The following JMJD6 variants were observed in gnomAD, a reference collection of about 807,000 sequenced individuals.
JMJD6 encodes the protein jumonji domain containing 6, arginine demethylase and lysine hydroxylase, also known as bifunctional arginine demethylase and lysyl-hydroxylase JMJD6.
JMJD6 carries 17 observed loss-of-function variants against 45.8 expected under a neutral mutation model. The observed-to-expected ratio is 0.37, with a 90% CI of 0.25 to 0.56. JMJD6 has a LOEUF of 0.56. Ranked by LOEUF, JMJD6 falls within the 20% of genes least tolerant of loss-of-function variation. The pLI is 0.79. For missense variants in JMJD6, 470 were observed against 517.5 expected (o/e 0.91, Z 0.89); for synonymous variants, 221 against 196.3 (o/e 1.13, Z -1.05).
At chr17:76,722,892 AAC>A (rs1361799540) in intron 3 of JMJD6, among the ~76,000 whole-genome samples, 1 of 64,786 alleles carries the variant, frequency 1.5e-5, no homozygotes, top group Non-Finnish European at 3.4e-5. Flanking sequence ...AATTTACAGA[AAC>A]ACAAACAAGC....
Position 76,726,489 on chromosome 17 carries a change from C to T in JMJD6, c.-14G>A, listed in dbSNP as rs755041881. The T allele has an allele frequency of 2.5e-6, 4 of 1,585,464 alleles. No homozygotes were observed. The South Asian group carries it at 3.4e-5, about 13-fold the overall frequency. Reference sequence around the variant, plus strand: ...CTTGTGGTTCATTCTGCGGGGTCGCCAGCTGGTTCCGCTACGACCTCGGCG... The same window carrying T: ...CTTGTGGTTCATTCTGCGGGGTCGCTAGCTGGTTCCGCTACGACCTCGGCG... On this transcript the variant is annotated 5_prime_UTR_variant, in exon 1 of 6. Coordinates refer to ENST00000397625, the MANE Select transcript of JMJD6 (RefSeq NM_015167.3).
Position 76,718,661 on chromosome 17 carries a change from G to C in JMJD6, c.*68C>G. The C allele has an allele frequency of 6.4e-7, 1 of 1,574,654 alleles. No individual in the cohort carries two copies. Among genetic ancestry groups the C allele is most frequent in the East Asian group, 2.3e-5 (1 of 44,184 alleles). Reference sequence around the variant, plus strand: ...CTCCCCTTGTCTGCAGGACTGGACAGGCCACCCTCCCCAGGCCCTGCCCTT... The same window carrying C: ...CTCCCCTTGTCTGCAGGACTGGACACGCCACCCTCCCCAGGCCCTGCCCTT... On this transcript the variant is annotated 3_prime_UTR_variant, in exon 6 of 6. Transcript: ENST00000397625.
At chr17:76,726,016 G>C (rs2076920089) in intron 1 of JMJD6, among the ~76,000 whole-genome samples, 161 bp from the exon 2 acceptor site, 1 of 152,216 alleles carries the variant, frequency 6.6e-6, no homozygotes, top group Non-Finnish European at 1.5e-5. Flanking sequence ...AGGCCACGTC[G>C]TTCCTAGAGC....
intron 4 of JMJD6, among the ~76,000 whole-genome samples, chr17:76,720,848 T>C (rs1264509416): frequency 6.6e-6 from 1 of 152,232 alleles, no homozygotes; most frequent in Non-Finnish European, 1.5e-5. Context: ...TTTTACTTCC[T>C]GAACCCTTCC....
intron 5 of JMJD6, 60 bp downstream of exon 5, chr17:76,720,300 T>C: frequency 6.6e-7 from 1 of 1,517,220 alleles, no homozygotes; most frequent in Admixed American, 1.7e-5. Context: ...CACACCTGGT[T>C]ATGACTGAGT....
downstream of JMJD6, among the ~76,000 whole-genome samples, chr17:76,717,540 C>T (rs1013214562): frequency 2.0e-5 from 3 of 152,178 alleles, no homozygotes; most frequent in Non-Finnish European, 4.4e-5. Flanking sequence ...TACTTGGAGA[C>T]GTGATTAAGT....
chr17:76,716,696 G>A, downstream of JMJD6: 1 of 1,614,090 alleles, frequency 6.2e-7, no homozygotes, highest in Non-Finnish European at 8.5e-7. Context: ...TCAGGGGTGA[G>A]CCCGGCCTCC....
intron 2 of JMJD6, among the ~76,000 whole-genome samples, chr17:76,725,173 C>A (rs886069571): frequency 6.6e-6 from 1 of 152,156 alleles, no homozygotes; most frequent in Non-Finnish European, 1.5e-5. Flanking sequence ...CTTTGGGAGG[C>A]CGAGGCGGGC....
chr17:76,723,746 T>C (rs1174355710), intron 3 of JMJD6, 26 bp downstream of exon 3: 1 of 1,607,500 alleles, frequency 6.2e-7, no homozygotes, highest in African/African-American at 1.3e-5. Flanking sequence ...CGGCAAAGAA[T>C]GTACTTTCTT....
chr17:76,726,248 C>T, intron 1 of JMJD6, 99 bp downstream of exon 1: 1 of 1,420,708 alleles, frequency 7.0e-7, no homozygotes, highest in Non-Finnish European at 9.2e-7. Context: ...TACGAGGTCC[C>T]GGGCGCTCGG....
At position 76,725,535 on chromosome 17, in the gene JMJD6, G is replaced by A. The variant is rs1761052254; in HGVS notation, c.450C>T (p.Tyr150=). ...CATCAGTGAAAAACTTTGGCACCTT[G>A]TAGTCTTCCAAAAGTTTCCTTCTTT... The part of the protein sequence containing the change: ...HPKRRKLLED[Y]KVPKFFTDDL... The change falls in exon 2 of 6, where the codon TAC becomes TAT. Residue 150 remains tyrosine (Y), a synonymous_variant. Coordinates refer to ENST00000397625, the MANE Select transcript of JMJD6 (RefSeq NM_015167.3). 6.2e-7 allele frequency: 1 copy of A among 1,613,692 alleles called. No homozygotes were observed. The highest frequency in any genetic ancestry group is 1.1e-5 in the South Asian group (1 of 91,074).
Position 76,721,719 on chromosome 17 carries a change from A to T in JMJD6, c.941+79T>A, listed in dbSNP as rs2076827050. 2.3e-5 allele frequency: 33 copies of T among 1,456,764 alleles called. 1 individual carries two copies. In the South Asian group the frequency reaches 4.0e-4, roughly 18 times the overall value. 90.2% of individuals were successfully genotyped at this position (1,456,764 alleles called of 1,614,324 possible). A position where few individuals can be genotyped will look rare whatever the true frequency, so the allele number is the denominator to read the frequency against. Reference sequence around the variant, plus strand: ...GGCCTGTGTACGATCAGCACACATCATCGCAGCAGTGGACTAGCCATTTTA... The same window carrying T: ...GGCCTGTGTACGATCAGCACACATCTTCGCAGCAGTGGACTAGCCATTTTA... On this transcript the variant is annotated intron_variant, in intron 4 of 5. Transcript: ENST00000397625.
intron 5 of JMJD6, among the ~76,000 whole-genome samples, chr17:76,719,852 TG>T (rs1449374965): frequency 6.6e-6 from 1 of 152,230 alleles, no homozygotes; most frequent in Non-Finnish European, 1.5e-5. Flanking sequence ...CCGGGCGCTG[TG>T]GCTCATGCCT....
intron 4 of JMJD6, 86 bp from the exon 5 acceptor site, chr17:76,720,584 C>T (rs1229649252): frequency 8.1e-6 from 11 of 1,363,842 alleles, no homozygotes; most frequent in Non-Finnish European, 1.1e-5. Flanking sequence ...CTGTGTCTCT[C>T]AGAAACACCT....
chr17:76,725,430 A>AT, intron 2 of JMJD6, 37 bp downstream of exon 2: 3 of 1,503,584 alleles, frequency 2.0e-6, no homozygotes, highest in Non-Finnish European at 2.7e-6. Flanking sequence ...AAAAAAAAAG[A>AT]AAAGGATTTT....
intron 1 of JMJD6, 93 bp downstream of exon 1, chr17:76,726,254 C>G (rs2076929594): frequency 6.9e-7 from 1 of 1,441,386 alleles, no homozygotes; most frequent in Admixed American, 2.9e-5. Context: ...GTCCCGGGCG[C>G]TCGGGGCGAG....
chr17:76,721,062 G>C (rs2076817905), intron 4 of JMJD6, among the ~76,000 whole-genome samples: 1 of 152,188 alleles, frequency 6.6e-6, no homozygotes, highest in African/African-American at 2.4e-5. Flanking sequence ...AACCTTATCT[G>C]GCATCCACTG....
Position 76,722,027 on chromosome 17 carries a change from A to T in JMJD6, c.806-94T>A, listed in dbSNP as rs569720782. Reference sequence around the variant, plus strand: ...CCAGAAATTGGGAACTCCTACCCATAAGGGAGAGCCTACAGAGACATGATA... The same window carrying T: ...CCAGAAATTGGGAACTCCTACCCATTAGGGAGAGCCTACAGAGACATGATA... On this transcript the variant is annotated intron_variant, in intron 3 of 5. Transcript: ENST00000397625. The T allele has an allele frequency of 6.0e-6, 8 of 1,340,178 alleles. No individual in the cohort carries two copies. In the South Asian group the frequency reaches 9.4e-5, roughly 16 times the overall value. The allele number at this position is 1,340,178 out of a possible 1,614,324, so 83.0% of individuals were successfully genotyped here.
chr17:76,725,193 G>T (rs2076893611), intron 2 of JMJD6, among the ~76,000 whole-genome samples: 1 of 152,198 alleles, frequency 6.6e-6, no homozygotes, highest in Non-Finnish European at 1.5e-5. Flanking sequence ...CAGATCACCT[G>T]AAGTCGGGAG....
Sources: gnomAD v4.1 joint callset for allele counts (sites outside exome capture counted in the v4.1 genomes callset) on GRCh38, gnomAD v4.1.1 for gene constraint, MANE v1.5 for transcripts, NCBI Gene and HGNC (gene_info 2026-07-23, HGNC 2026-07-21) for gene names.